Variants in TBX22 observed in about 807,000 individuals in gnomAD.
TBX22 encodes the protein T-box transcription factor TBX22.
A neutral mutation model predicts 30.1 loss-of-function variants in TBX22; 8 were observed. The observed-to-expected ratio is 0.27, with a 90% CI of 0.16 to 0.48. The LOEUF (loss-of-function observed/expected upper bound fraction) is 0.48. TBX22 is among the 20% of genes least tolerant of loss of function. The pLI is 0.99. For missense variants in TBX22, 463 were observed against 400.5 expected (o/e 1.16, Z -1.33); for synonymous variants, 173 against 149.1 (o/e 1.16, Z -1.17).
chrX:80,027,314 G>T lies in TBX22; in HGVS notation c.857G>T (p.Arg286Ile). ...GCTAAAGGATTTAGAGATACTGGAA[G>T]AAACAGGTAAGCAGCATAGCAATGA... ...PFAKGFRDTGRNRGVLDGLLE... is the reference protein window; with the variant it reads ...PFAKGFRDTGINRGVLDGLLE... Residue 286 changes from arginine (R) to isoleucine (I), a missense_variant, in exon 7 of 9, where the codon AGA becomes ATA. By Grantham distance (97) the Arg-to-Ile change is moderately conservative (BLOSUM62 -3). Transcript: ENST00000373296. 9.4e-7 allele frequency: 1 copy of T among 1,068,259 alleles called. No homozygotes were observed. Among genetic ancestry groups the T allele is most frequent in the Non-Finnish European group, 1.3e-6 (1 of 769,211 alleles). The allele number at this position is 1,068,259 out of a possible 1,213,427, so 88.0% of individuals were successfully genotyped here.
chrX:80,031,100 C>G lies in TBX22; in HGVS notation c.1552C>G (p.His518Asp). 8.3e-7 allele frequency: 1 copy of G among 1,207,896 alleles called. No individual in the cohort carries two copies. The highest frequency in any genetic ancestry group is 1.1e-6 in the Non-Finnish European group (1 of 892,888). Reference protein sequence around the residue: ...NHVHWYPAINHYL With the variant: ...NHVHWYPAINDYL ...TGTTCATTGGTATCCAGCAATTAAC[C>G]ATTACCTTTAGTAAGACAATAGCAT... The change falls in exon 9 of 9, where the codon CAT becomes GAT. Residue 518 changes from histidine to aspartate, a missense_variant. His to Asp is a moderately conservative substitution (Grantham distance 81). Coordinates refer to ENST00000373296, the MANE Select transcript of TBX22 (RefSeq NM_001109878.2).
chrX:80,017,441 A>T (rs1308341643), intron 1 of TBX22, among the ~76,000 whole-genome samples: 1 of 110,181 alleles, frequency 9.1e-6, no homozygotes, highest in Non-Finnish European at 1.9e-5. Flanking sequence ...TGAGATTACA[A>T]GTGTGAGCCC....
Position 80,025,736 on chromosome X carries a change from C to T in TBX22, c.592C>T (p.Arg198Cys), listed in dbSNP as rs776905471. 5.8e-6 allele frequency: 7 copies of T among 1,210,404 alleles called. No individual in the cohort carries two copies. The highest frequency in any genetic ancestry group is 6.7e-6 in the Non-Finnish European group (6 of 894,727). ...GATGCGGCAGATCATCAGCTTTGAT[C>T]GCATGAAACTCACCAACAATGAGAT... ...TWMRQIISFD[R>C]MKLTNNEMDD... Residue 198 changes from arginine (R) to cysteine (C), a missense_variant, in exon 5 of 9, where the codon CGC (arginine) becomes TGC (cysteine). By Grantham distance (180) the Arg-to-Cys change is radical (BLOSUM62 -3). Coordinates refer to ENST00000373296, the MANE Select transcript of TBX22 (RefSeq NM_001109878.2).
chrX:80,030,700 A>G lies in TBX22; in HGVS notation c.1152A>G (p.Gln384=), dbSNP rs757760890. 1 of 1,211,802 alleles carries G rather than the reference A, an allele frequency of 8.3e-7. No homozygotes were observed. Among genetic ancestry groups the G allele is most frequent in the South Asian group, 1.8e-5 (1 of 56,998 alleles). Residue 384 remains glutamine (Q), a synonymous_variant, in exon 9 of 9, where the codon CAA becomes CAG. Transcript: ENST00000373296. ...KICPTNFWQQ[Q]PLVLPAPERL... ...GTCCAACTAATTTTTGGCAACAGCA[A>G]CCTCTTGTTTTACCGGCTCCTGAAA...
At chrX:80,023,298 G>C (rs1240005724) in intron 3 of TBX22, 58 bp downstream of exon 3, 22 of 1,090,597 alleles carry the variant, frequency 2.0e-5, no homozygotes, top group Non-Finnish European at 2.5e-5. Context: ...TTAATTTACC[G>C]CTCTGGTAAG....
chrX:80,031,490 C>A lies in TBX22; in HGVS notation c.*379C>A, dbSNP rs1924252912. On this transcript the variant is annotated 3_prime_UTR_variant, in exon 9 of 9. Transcript: ENST00000373296. ...TGACAAAAAGAAGATGGATGTAATT[C>A]TCATGAAAGCAGTGAAGCAATTTCA... is the stretch of plus-strand genomic sequence containing the variant. The A allele has an allele frequency of 6.9e-6, 1 of 145,775 alleles. No individual in the cohort carries two copies. Among genetic ancestry groups the A allele is most frequent in the Non-Finnish European group, 1.3e-5 (1 of 74,364 alleles). The allele number at this position is 145,775 out of a possible 1,213,427, so 12.0% of individuals were successfully genotyped here.
At chrX:80,025,408 C>A (rs1396835570) in intron 4 of TBX22, among the ~76,000 whole-genome samples, 195 bp from the exon 5 acceptor site, 1 of 112,428 alleles carries the variant, frequency 8.9e-6, no homozygotes, top group Non-Finnish European at 1.9e-5. Context: ...CCCTGCACTT[C>A]ATTGCATTTT....
At chrX:80,025,844 G>T in intron 5 of TBX22, 67 bp downstream of exon 5, 2 of 1,033,222 alleles carry the variant, frequency 1.9e-6, no homozygotes, top group Non-Finnish European at 2.7e-6. Context: ...GGTCACCCTG[G>T]AGAGGCCAGG....
intron 8 of TBX22, 118 bp downstream of exon 8, chrX:80,028,194 T>C: frequency 3.3e-6 from 2 of 608,846 alleles, no homozygotes; most frequent in Non-Finnish European, 5.3e-6. Context: ...TGTGTACTTA[T>C]GGGTAACTGC....
chrX:80,020,956 TG>T, intron 1 of TBX22, among the ~76,000 whole-genome samples: 1 of 111,733 alleles, frequency 8.9e-6, no homozygotes, highest in African/African-American at 3.3e-5. Context: ...CAGGGGCACT[TG>T]ATTTCTTATT....
In TBX22 at chrX:80,017,251, A is replaced by G. The variant is rs1444963973; in HGVS notation, c.-3+2364A>G. Among the ~76,000 whole-genome samples the G allele has an allele frequency of 2.8e-5, 3 of 105,995 alleles. No individual in the cohort carries two copies. In the Admixed American group the frequency reaches 3.1e-4, roughly 11 times the overall value. 92.0% of individuals were successfully genotyped at this position (105,995 alleles called of 115,157 possible). A position where few individuals can be genotyped will look rare whatever the true frequency, so the allele number is the denominator to read the frequency against. ...CACCAGAGAGGTAACATAAAAAGGA[A>G]TAGGTTTGACACTAGTTTGGTGTTG... On this transcript the variant is annotated intron_variant, in intron 1 of 8. Transcript: ENST00000373296.
chrX:80,028,203 G>A, intron 8 of TBX22, 127 bp downstream of exon 8: 1 of 563,604 alleles, frequency 1.8e-6, no homozygotes, highest in South Asian at 2.7e-5. Flanking sequence ...ATGGGTAACT[G>A]CGTGTACATT....
At chrX:80,021,419 G>C (rs1260695359) in intron 1 of TBX22, among the ~76,000 whole-genome samples, 1 of 111,453 alleles carries the variant, frequency 9.0e-6, no homozygotes, top group African/African-American at 3.3e-5. Flanking sequence ...CACAACTGCT[G>C]CTCACCTAAT....
intron 1 of TBX22, among the ~76,000 whole-genome samples, chrX:80,017,974 C>A (rs916833322): frequency 3.6e-5 from 4 of 111,740 alleles, no homozygotes; most frequent in Non-Finnish European, 7.5e-5. Flanking sequence ...ATTTCGCTTC[C>A]AATCCTCCCC....
rs766209526 is a variant in TBX22, at chrX:80,023,297, C to T, written c.356+57C>T. On this transcript the variant is annotated intron_variant, in intron 3 of 8. Coordinates refer to ENST00000373296, the MANE Select transcript of TBX22 (RefSeq NM_001109878.2). ...CACACACATTAGGCACTTAATTTAC[C>T]GCTCTGGTAAGATGAGGACTCTCCA... 180 of 1,104,585 alleles carry T rather than the reference C, an allele frequency of 1.6e-4. 2 individuals are homozygous for T. The African/African-American group carries it at 2.9e-3, about 18-fold the overall frequency. The allele number at this position is 1,104,585 out of a possible 1,213,427, so 91.0% of individuals were successfully genotyped here. A position where few individuals can be genotyped will look rare whatever the true frequency, so the allele number is the denominator to read the frequency against.
chrX:80,031,153 A>T lies in TBX22; in HGVS notation c.*42A>T. ...CTAGAACAATTACATGTAAACAAAT[A>T]TTTTCTTTATTTGTAGCCAAAGAAA... On this transcript the variant is annotated 3_prime_UTR_variant, in exon 9 of 9. Transcript: ENST00000373296. The T allele has an allele frequency of 8.7e-7, 1 of 1,151,147 alleles. No individual in the cohort carries two copies. Among genetic ancestry groups the T allele is most frequent in the Non-Finnish European group, 1.2e-6 (1 of 851,557 alleles). The allele number at this position is 1,151,147 out of a possible 1,213,427, so 94.9% of individuals were successfully genotyped here.
rs1259656820 is a variant in TBX22 at position 80,031,383 on chromosome X, G to A, written c.*272G>A. On this transcript the variant is annotated 3_prime_UTR_variant, in exon 9 of 9. Transcript: ENST00000373296. ...AATATTATTTGATGATACTCCACCA[G>A]TGAAAATTGATGCTAAGTGATGGGA... 9.8e-6 allele frequency: 3 copies of A among 307,023 alleles called. No individual in the cohort carries two copies. The highest frequency in any genetic ancestry group is 1.7e-5 in the Non-Finnish European group (3 of 176,617). The allele number at this position is 307,023 out of a possible 1,213,427, so 25.3% of individuals were successfully genotyped here. A position where few individuals can be genotyped will look rare whatever the true frequency, so the allele number is the denominator to read the frequency against.
chrX:80,017,235 G>T (rs1923487194), intron 1 of TBX22, among the ~76,000 whole-genome samples: 1 of 108,992 alleles, frequency 9.2e-6, no homozygotes, highest in African/African-American at 3.4e-5. Context: ...GCACCAGAGA[G>T]GTAACATAAA....
At chrX:80,025,481 G>A (rs1923923989) in intron 4 of TBX22, 122 bp from the exon 5 acceptor site, 2 of 577,465 alleles carry the variant, frequency 3.5e-6, no homozygotes, top group Admixed American at 4.7e-5. Flanking sequence ...ATTAAGTTGA[G>A]TCTTCTCCTT....
Sources: gnomAD v4.1 joint callset for allele counts (sites outside exome capture counted in the v4.1 genomes callset) on GRCh38, gnomAD v4.1.1 for gene constraint, MANE v1.5 for transcripts, NCBI Gene and HGNC (gene_info 2026-07-23, HGNC 2026-07-21) for gene names.